Variants in TRAPPC8 observed in about 807,000 individuals in gnomAD.
TRAPPC8 encodes the protein general sporulation gene 1 homolog.
In TRAPPC8, 54 loss-of-function variants were observed where a neutral mutation model predicts 174.3. The observed-to-expected ratio is 0.31, with a 90% CI of 0.25 to 0.39. The LOEUF is 0.39. Ranked by LOEUF, TRAPPC8 falls within the 10% of genes least tolerant of loss-of-function variation. The pLI is 1.00. For missense variants in TRAPPC8, 1,531 were observed against 1,699.1 expected (o/e 0.90, Z 1.74); for synonymous variants, 630 against 579.9 (o/e 1.09, Z -1.24).
intron 27 of TRAPPC8, among the ~76,000 whole-genome samples, chr18:31,835,038 A>G (rs2144925271): frequency 6.6e-6 from 1 of 151,766 alleles, no homozygotes; most frequent in African/African-American, 2.4e-5. Context: ...TCTTTCTACT[A>G]CCTCTCCTGT....
At chr18:31,937,785 C>A (rs138906854) in intron 1 of TRAPPC8, 3,403 of 152,216 alleles carry the variant, frequency 0.022, 59 homozygotes, top group Non-Finnish European at 0.035. Flanking sequence ...CTCACTGCAA[C>A]CTTCACCTCT....
intron 8 of TRAPPC8, 86 bp from the exon 9 acceptor site, chr18:31,907,696 T>G: frequency 2.6e-6 from 3 of 1,164,158 alleles, no homozygotes; most frequent in Non-Finnish European, 3.4e-6. Flanking sequence ...TGCCATGTTC[T>G]TCTAGAATAT....
chr18:31,917,023 A>T (rs1417859771), intron 3 of TRAPPC8, among the ~76,000 whole-genome samples: 2 of 152,130 alleles, frequency 1.3e-5, no homozygotes, highest in African/African-American at 4.8e-5. Context: ...AAAAATGGAC[A>T]ACTGTACAAC....
At chr18:31,908,671 A>G (rs1198585541) in intron 7 of TRAPPC8, 83 bp downstream of exon 7, 1 of 1,367,152 alleles carries the variant, frequency 7.3e-7, no homozygotes, top group African/African-American at 1.5e-5. Flanking sequence ...AAAATAAAAC[A>G]AAACTTCAAA....
chr18:31,842,854 T>C (rs1166342567), intron 26 of TRAPPC8, among the ~76,000 whole-genome samples: 2 of 152,210 alleles, frequency 1.3e-5, no homozygotes, highest in African/African-American at 4.8e-5. Flanking sequence ...GGTACCAGCA[T>C]TTCAGAGAAG....
intron 26 of TRAPPC8, among the ~76,000 whole-genome samples, chr18:31,842,720 T>C (rs1224645962): frequency 1.3e-5 from 2 of 152,210 alleles, no homozygotes; most frequent in Non-Finnish European, 2.9e-5. Flanking sequence ...CCAAAAAATT[T>C]TGAGTGTTGA....
Position 31,942,788 on chromosome 18 carries a change from C to T in TRAPPC8, c.-24G>A. 1.4e-6 allele frequency: 2 copies of T among 1,385,690 alleles called. No individual in the cohort carries two copies. The highest frequency in any genetic ancestry group is 1.9e-6 in the Non-Finnish European group (2 of 1,060,166). The allele number at this position is 1,385,690 out of a possible 1,614,324, so 85.8% of individuals were successfully genotyped here. A position where few individuals can be genotyped will look rare whatever the true frequency, so the allele number is the denominator to read the frequency against. On this transcript the variant is annotated 5_prime_UTR_variant, in exon 1 of 29. Transcript: ENST00000283351. ...ATCGCCGCAGCACAGGCAGCGGCGG[C>T]GCCCGCCCTCCGGCCCACCCTGCGA...
intron 1 of TRAPPC8, among the ~76,000 whole-genome samples, chr18:31,934,949 CATAAATAAATAAATAA>C (rs59323781): frequency 5.7e-5 from 8 of 140,326 alleles, no homozygotes; most frequent in South Asian, 2.3e-4. Context: ...GGCTCCGTCT[CATAAATAAATAAATAA>C]ATAAATAAAT....
At chr18:31,886,700 G>T (rs1427142721) in intron 12 of TRAPPC8, among the ~76,000 whole-genome samples, 1 of 152,024 alleles carries the variant, frequency 6.6e-6, no homozygotes, top group Non-Finnish European at 1.5e-5. Context: ...ACTTCTGGGG[G>T]TGCCGAGCGC....
chr18:31,862,785 A>G (rs1211927320), intron 19 of TRAPPC8, among the ~76,000 whole-genome samples: 1 of 152,096 alleles, frequency 6.6e-6, no homozygotes, highest in Admixed American at 6.6e-5. Flanking sequence ...AGGAAATAAC[A>G]TCCAATTAAA....
rs1335775875 is a variant in TRAPPC8 at position 31,855,741 on chromosome 18, G to A, written c.3255C>T (p.Val1085=). 2 of 1,611,228 alleles carry A rather than the reference G, an allele frequency of 1.2e-6. No individual in the cohort carries two copies. Among genetic ancestry groups the A allele is most frequent in the South Asian group, 1.1e-5 (1 of 90,526 alleles). The change falls in exon 21 of 29, where the codon GTC becomes GTT. Residue 1085 remains valine (V), a synonymous_variant. Transcript: ENST00000283351. ...CATTTTCAAGAGAATTACTTCTGCA[G>A]ACAGTGGCCCGTACATTTAAAGACC... ...TSRSLNVRAT[V]CRSNSLENEE... is the part of the protein sequence containing the mutation.
At chr18:31,852,295 C>T (rs996327238) in intron 24 of TRAPPC8, 151 bp downstream of exon 24, 2 of 761,426 alleles carry the variant, frequency 2.6e-6, no homozygotes, top group African/African-American at 1.8e-5. Flanking sequence ...GAGCTGTGAT[C>T]ACGCCACTGT....
chr18:31,862,734 T>C (rs1350336764), intron 19 of TRAPPC8, among the ~76,000 whole-genome samples: 1 of 152,030 alleles, frequency 6.6e-6, no homozygotes, highest in Admixed American at 6.6e-5. Context: ...CACCACTACA[T>C]GTATAGGATT....
intron 19 of TRAPPC8, among the ~76,000 whole-genome samples, chr18:31,861,005 G>A: frequency 6.6e-6 from 1 of 152,134 alleles, no homozygotes; most frequent in Admixed American, 6.5e-5. Context: ...TCACTCTGAA[G>A]AAACCAAAAC....
At chr18:31,837,549 T>A (rs1053671194) in intron 27 of TRAPPC8, among the ~76,000 whole-genome samples, 1 of 151,940 alleles carries the variant, frequency 6.6e-6, no homozygotes, top group African/African-American at 2.4e-5. Flanking sequence ...CAAATTTGGC[T>A]GACCTGGTGG....
intron 27 of TRAPPC8, among the ~76,000 whole-genome samples, chr18:31,835,963 G>A (rs1186935309): frequency 1.3e-5 from 2 of 152,134 alleles, no homozygotes; most frequent in Non-Finnish European, 2.9e-5. Flanking sequence ...GTTTCTTCAG[G>A]TGCCAAATCC....
intron 27 of TRAPPC8, 38 bp from the exon 28 acceptor site, chr18:31,832,211 T>C (rs1412195739): frequency 1.5e-6 from 2 of 1,353,832 alleles, no homozygotes; most frequent in African/African-American, 1.5e-5. Context: ...TATATATTTT[T>C]TTCTTCTTAA....
At chr18:31,831,486 G>A (rs2032366671) in intron 28 of TRAPPC8, among the ~76,000 whole-genome samples, 1 of 152,020 alleles carries the variant, frequency 6.6e-6, no homozygotes, top group African/African-American at 2.4e-5. Flanking sequence ...TATTCTCTAG[G>A]CACAATGCTA....
At chr18:31,890,665 T>C (rs1277898097) in intron 12 of TRAPPC8, 70 bp downstream of exon 12, 1 of 1,527,094 alleles carries the variant, frequency 6.5e-7, no homozygotes, top group Non-Finnish European at 8.8e-7. Flanking sequence ...TTTTAAATAA[T>C]AAAAATGGAC....
Sources: allele counts gnomAD v4.1 joint callset (sites outside exome capture counted in the v4.1 genomes callset), GRCh38; gene constraint gnomAD v4.1.1; transcripts MANE v1.5; gene names NCBI Gene and HGNC (gene_info 2026-07-23, HGNC 2026-07-21).